Variants in PCDHA1 observed in about 807,000 individuals in gnomAD.
PCDHA1 encodes the protein protocadherin alpha 1, also known as protocadherin alpha-1.
A neutral mutation model predicts 61.3 loss-of-function variants in PCDHA1; 42 were observed. That is an observed-to-expected ratio of 0.69 (90% CI 0.54 to 0.89). PCDHA1 has a LOEUF of 0.89. Among genes scored for constraint, PCDHA1 ranks in the 40% least tolerant of loss-of-function variants. PCDHA1 has a pLI of 0.00. For synonymous variants in PCDHA1, 610 were observed against 553.8 expected, an observed-to-expected ratio of 1.10 and a Z score of -1.43; for missense variants, 1,256 against 1,235.3, an observed-to-expected ratio of 1.02 and a Z score of -0.25.
intron 1 of PCDHA1, among the ~76,000 whole-genome samples, chr5:140,918,885 T>G (rs2078908612): frequency 6.6e-6 from 1 of 152,202 alleles, no homozygotes; most frequent in Non-Finnish European, 1.5e-5. Context: ...TCTAGAACAG[T>G]GAAAAATAAA....
At chr5:140,986,940 G>A (rs1371744170) in intron 3 of PCDHA1, among the ~76,000 whole-genome samples, 1 of 152,280 alleles carries the variant, frequency 6.6e-6, no homozygotes, top group South Asian at 2.1e-4. Flanking sequence ...GAGGCTGGGT[G>A]TGGTCGCTCA....
At chr5:140,792,835 T>C (rs1310719343) in intron 1 of PCDHA1, among the ~76,000 whole-genome samples, 1 of 152,232 alleles carries the variant, frequency 6.6e-6, no homozygotes, top group East Asian at 1.9e-4. Context: ...TACATAATGC[T>C]GTAACGAGCA....
intron 1 of PCDHA1, among the ~76,000 whole-genome samples, chr5:140,921,577 A>G (rs1248608945): frequency 6.6e-6 from 1 of 152,242 alleles, no homozygotes; most frequent in African/African-American, 2.4e-5. Context: ...AGTAGAGCTC[A>G]TACTATATTA....
intron 1 of PCDHA1, among the ~76,000 whole-genome samples, chr5:140,971,297 T>C (rs1246980755): frequency 4.6e-5 from 7 of 152,222 alleles, no homozygotes; most frequent in Non-Finnish European, 1.0e-4. Context: ...TGTACTTTGG[T>C]ACACAAACAT....
intron 1 of PCDHA1, chr5:140,870,530 T>C (rs2052115440): frequency 6.2e-7 from 1 of 1,614,198 alleles, no homozygotes; most frequent in African/African-American, 1.3e-5. Flanking sequence ...ATCTTCACAG[T>C]GTCGGCGCGG....
chr5:140,897,716 G>A (rs1554187531), intron 1 of PCDHA1, among the ~76,000 whole-genome samples: 1 of 152,144 alleles, frequency 6.6e-6, no homozygotes, highest in African/African-American at 2.4e-5. Context: ...TAATGGGATG[G>A]CTGGGTCAAA....
At chr5:140,898,445 G>GAA (rs1317860515) in intron 1 of PCDHA1, among the ~76,000 whole-genome samples, 7 of 152,126 alleles carry the variant, frequency 4.6e-5, no homozygotes, top group Admixed American at 3.3e-4. Flanking sequence ...ATTAAATAGG[G>GAA]AATCCTTTCC....
chr5:140,857,737 G>C (rs782448076), intron 1 of PCDHA1: 4 of 1,597,412 alleles, frequency 2.5e-6, no homozygotes, highest in Middle Eastern at 1.8e-4. Context: ...ACGCTCCCGC[G>C]CTGCTGGCGT....
intron 1 of PCDHA1, chr5:140,851,907 T>A: frequency 3.1e-6 from 3 of 970,432 alleles, no homozygotes; most frequent in Non-Finnish European, 2.5e-6. Flanking sequence ...CTCTTTAATG[T>A]CACTACATGT....
rs111233751 is a variant in PCDHA1, at chr5:140,887,119, C to T, written c.2395-91830C>T. On this transcript the variant is annotated intron_variant, in intron 1 of 3. Transcript: ENST00000504120. ...TTTATCTCTTTTTTTTTTTTTGAGA[C>T]GGAGTCTCACTCTGTCGCCCAGGCT... 6.0e-3 allele frequency among the ~76,000 whole-genome samples: 904 copies of T among 149,504 alleles called. 4 individuals are homozygous for T. The highest frequency in any genetic ancestry group is 0.014 in the Middle Eastern group (4 of 294).
At chr5:140,914,778 T>G (rs942539067) in intron 1 of PCDHA1, among the ~76,000 whole-genome samples, 1 of 152,138 alleles carries the variant, frequency 6.6e-6, no homozygotes, top group African/African-American at 2.4e-5. Flanking sequence ...ATGACTTATC[T>G]TATGACCCAT....
In PCDHA1 at chr5:140,850,187, G is replaced by A. The variant is rs2150472147; in HGVS notation, c.2394+61503G>A. ...TGGACGAGAACGACAATGCGCCGGC[G>A]CTGCTGACACCTCGGATGAGGGGCA... On this transcript the variant is annotated intron_variant, in intron 1 of 3. Coordinates refer to ENST00000504120, the MANE Select transcript of PCDHA1 (RefSeq NM_018900.4). 27 of 1,593,150 alleles carry A rather than the reference G, an allele frequency of 1.7e-5. 2 individuals are homozygous for A. In the Admixed American group the frequency reaches 3.4e-4, roughly 20 times the overall value.
Position 140,944,942 on chromosome 5 carries a change from T to C in PCDHA1, c.2395-34007T>C, listed in dbSNP as rs564740183. Among the ~76,000 whole-genome samples the C allele has an allele frequency of 2.0e-4, 31 of 152,326 alleles. No individual in the cohort carries two copies. The South Asian group carries it at 3.7e-3, about 18-fold the overall frequency. On this transcript the variant is annotated intron_variant, in intron 1 of 3. Coordinates refer to ENST00000504120, the MANE Select transcript of PCDHA1 (RefSeq NM_018900.4). ...ATTGGTTTATGCCTTCTTTAGATGATTGTGAATAAGAGTATTATCTTAACC... is the reference window on the plus strand; with the variant it reads ...ATTGGTTTATGCCTTCTTTAGATGACTGTGAATAAGAGTATTATCTTAACC...
At chr5:140,900,290 G>GT (rs1292990700) in intron 1 of PCDHA1, among the ~76,000 whole-genome samples, 2 of 151,548 alleles carry the variant, frequency 1.3e-5, no homozygotes, top group Non-Finnish European at 2.9e-5. Context: ...TTTCTTTTCT[G>GT]TTTTTTTAGA....
At chr5:140,929,036 C>T in intron 1 of PCDHA1, 1 of 1,614,178 alleles carries the variant, frequency 6.2e-7, no homozygotes, top group Non-Finnish European at 8.5e-7. Flanking sequence ...GGCTGTTGCG[C>T]TCAGAGCTGC....
intron 1 of PCDHA1, chr5:140,807,100 A>C (rs1763843839): frequency 1.4e-6 from 2 of 1,408,914 alleles, no homozygotes; most frequent in Admixed American, 2.0e-5. Context: ...AATATGGAGG[A>C]TGCAGCTGCA....
intron 1 of PCDHA1, chr5:140,830,490 G>A: frequency 1.3e-6 from 2 of 1,489,110 alleles, no homozygotes; most frequent in Non-Finnish European, 1.8e-6. Context: ...GCCAAAGTAA[G>A]TGAATTTTCA....
intron 3 of PCDHA1, among the ~76,000 whole-genome samples, chr5:140,998,010 C>A (rs2097793505): frequency 6.6e-6 from 1 of 152,096 alleles, no homozygotes; most frequent in Admixed American, 6.6e-5. Flanking sequence ...GCCTTCCATC[C>A]CCACCTCGAG....
intron 1 of PCDHA1, among the ~76,000 whole-genome samples, chr5:140,878,400 A>G (rs1190004888): frequency 6.6e-6 from 1 of 152,218 alleles, no homozygotes; most frequent in Non-Finnish European, 1.5e-5. Flanking sequence ...TGCTCACAAA[A>G]TATCTTCTTT....
Sources: gnomAD v4.1 joint callset for allele counts (sites outside exome capture counted in the v4.1 genomes callset) on GRCh38, gnomAD v4.1.1 for gene constraint, MANE v1.5 for transcripts, NCBI Gene and HGNC (gene_info 2026-07-23, HGNC 2026-07-21) for gene names.